SAFB: variants seen among roughly 807,000 people sequenced by gnomAD.
SAFB encodes the protein scaffold attachment factor B1.
In SAFB, 15 loss-of-function variants were observed where a neutral mutation model predicts 101.6. The observed-to-expected ratio is 0.15, with a 90% CI of 0.10 to 0.23. SAFB has a LOEUF of 0.23. SAFB is among the 10% of genes least tolerant of loss of function. The probability of loss-of-function intolerance (pLI) is 1.00; values close to 1 mark genes in which losing one functional copy is unlikely to be tolerated. For synonymous variants in SAFB, 449 were observed against 407.5 expected (o/e 1.10, Z -1.23); for missense variants, 930 against 1,104.1 (o/e 0.84, Z 2.23).
At chr19:5,651,970 TG>T (rs910516519) in intron 9 of SAFB, among the ~76,000 whole-genome samples, 10 of 151,974 alleles carry the variant, frequency 6.6e-5, no homozygotes, top group Admixed American at 6.6e-4. Context: ...CCGAGGTGGG[TG>T]GATCACGAGG....
chr19:5,664,428 C>G lies in SAFB; in HGVS notation c.2323C>G (p.Arg775Gly). Reference protein sequence around the residue: ...REGSRSMMGEREGQHYPERHG... With the variant: ...REGSRSMMGEGEGQHYPERHG... ...AGGTTCAAGGTCAATGATGGGAGAA[C>G]GAGAAGGACAGGTAAGTCTGAAGCT... Residue 775 changes from arginine to glycine, a missense_variant, in exon 17 of 21, where the codon CGA becomes GGA. Transcript: ENST00000588852. The G allele has an allele frequency of 1.2e-6, 2 of 1,613,068 alleles. No individual in the cohort carries two copies. Among genetic ancestry groups the G allele is most frequent in the Non-Finnish European group, 1.7e-6 (2 of 1,179,074 alleles).
At chr19:5,626,542 A>G in intron 2 of SAFB, 53 bp downstream of exon 2, 1 of 1,037,386 alleles carries the variant, frequency 9.6e-7, no homozygotes, top group Non-Finnish European at 1.5e-6. Context: ...TTCAAAACGA[A>G]TACATTGCTA....
chr19:5,649,731 C>T, intron 7 of SAFB, 195 bp from the exon 8 acceptor site: 1 of 821,158 alleles, frequency 1.2e-6, no homozygotes, highest in Non-Finnish European at 1.9e-6. Context: ...TTACCTTTAG[C>T]CCAGCAGAAT....
At chr19:5,653,973 T>A in intron 11 of SAFB, 88 bp from the exon 12 acceptor site, 1 of 1,267,968 alleles carries the variant, frequency 7.9e-7, no homozygotes, top group Non-Finnish European at 1.1e-6. Flanking sequence ...ACTCCCGGTC[T>A]CATGTGATCC....
intron 2 of SAFB, among the ~76,000 whole-genome samples, chr19:5,630,777 A>G (rs1349791955): frequency 6.6e-6 from 1 of 151,830 alleles, no homozygotes; most frequent in Non-Finnish European, 1.5e-5. Context: ...AACTATATGT[A>G]TAACTCTGTT....
chr19:5,633,271 A>G (rs1247863361), intron 2 of SAFB, among the ~76,000 whole-genome samples: 1 of 152,160 alleles, frequency 6.6e-6, no homozygotes, highest in Non-Finnish European at 1.5e-5. Context: ...GAAAGCCTTT[A>G]TGCTTATTTA....
rs374597867 is a variant in SAFB, at chr19:5,623,273, C to T, written c.68C>T (p.Ser23Leu). 5 of 1,608,294 alleles carry T rather than the reference C, an allele frequency of 3.1e-6. No individual in the cohort carries two copies. Among genetic ancestry groups the T allele is most frequent in the Non-Finnish European group, 3.4e-6 (4 of 1,177,644 alleles). Residue 23 changes from serine (S) to leucine (L), a missense_variant, in exon 1 of 21, where the codon TCG (serine) becomes TTG (leucine). Transcript: ENST00000588852. ...GGCGCGGCGGCTCTGAGCTCCGCCTCGTCAGAGACCGGGACGCGGCGCCTC... is the reference window on the plus strand; with the variant it reads ...GGCGCGGCGGCTCTGAGCTCCGCCTTGTCAGAGACCGGGACGCGGCGCCTC... ...AAGAAALSSA[S>L]SETGTRRLSD...
At chr19:5,648,901 G>A (rs938639857) in intron 6 of SAFB, 88 bp from the exon 7 acceptor site, 1 of 398,632 alleles carries the variant, frequency 2.5e-6, no homozygotes, top group Non-Finnish European at 5.1e-6. Flanking sequence ...TCGTGTTAGT[G>A]TGGCAGCCGT....
rs769610065 is a variant in SAFB, at chr19:5,661,701, C to A, written c.2046C>A (p.Arg682=). 6.2e-7 allele frequency: 1 copy of A among 1,604,426 alleles called. No individual in the cohort carries two copies. The highest frequency in any genetic ancestry group is 8.5e-7 in the Non-Finnish European group (1 of 1,177,092). Residue 682 remains arginine (R), a synonymous_variant, in exon 15 of 21, where the codon CGC becomes CGA. Coordinates refer to ENST00000588852, the MANE Select transcript of SAFB (RefSeq NM_001201338.2). ...TGCACGTGGAGCACGAGCGCAGGCG[C>A]GAGCAGGAGCGCATCCACCGTGAGC... ...ERMHVEHERR[R]EQERIHRERE...
chr19:5,656,822 GT>G (rs2054073317), intron 13 of SAFB, among the ~76,000 whole-genome samples: 1 of 151,884 alleles, frequency 6.6e-6, no homozygotes, highest in Non-Finnish European at 1.5e-5. Context: ...TCAGGCTGGA[GT>G]CGAGTGGCTC....
intron 8 of SAFB, among the ~76,000 whole-genome samples, chr19:5,650,633 G>A (rs555416586): frequency 1.3e-5 from 2 of 152,066 alleles, no homozygotes; most frequent in African/African-American, 4.8e-5. Context: ...GGCTGGTCTC[G>A]AACTCTTGAC....
intron 14 of SAFB, among the ~76,000 whole-genome samples, chr19:5,660,585 A>G (rs114600273): frequency 2.5e-3 from 386 of 151,668 alleles, no homozygotes; most frequent in African/African-American, 9.1e-3. Context: ...GATCGAAAGA[A>G]GAAAATCTGA....
At chr19:5,666,662 T>C in intron 17 of SAFB, 1 of 233,864 alleles carries the variant, frequency 4.3e-6, no homozygotes, top group Non-Finnish European at 8.4e-6. Flanking sequence ...ACCTGACCTT[T>C]CTTTAGTAGA....
At chr19:5,633,715 C>T (rs1344983173) in intron 2 of SAFB, among the ~76,000 whole-genome samples, 1 of 151,528 alleles carries the variant, frequency 6.6e-6, no homozygotes, top group East Asian at 1.9e-4. Context: ...GGAGGTGGAG[C>T]TTGCAGTGAG....
chr19:5,645,281 A>G, intron 4 of SAFB, 56 bp from the exon 5 acceptor site: 1 of 779,092 alleles, frequency 1.3e-6, no homozygotes, highest in Non-Finnish European at 2.3e-6. Flanking sequence ...CAGATGTACC[A>G]TTATGTTACG....
chr19:5,661,769 A>G lies in SAFB; in HGVS notation c.2114A>G (p.Glu705Gly). The change falls in exon 15 of 21, where the codon GAG becomes GGG. Residue 705 changes from glutamate to glycine, a missense_variant. Coordinates refer to ENST00000588852, the MANE Select transcript of SAFB (RefSeq NM_001201338.2). ...RRQQELRYEQ[E>G]RRPAVRRPYD... ...CAGCAGGAACTGCGCTATGAGCAGG[A>G]GCGGCGGCCCGCGGTGCGGCGGCCC... 1 of 1,575,088 alleles carries G rather than the reference A, an allele frequency of 6.3e-7. No individual in the cohort carries two copies.
At chr19:5,659,794 G>A (rs1032367536) in intron 14 of SAFB, among the ~76,000 whole-genome samples, 2 of 152,106 alleles carry the variant, frequency 1.3e-5, no homozygotes, top group Admixed American at 6.6e-5. Context: ...AGCCTGGGGG[G>A]CCCCCACAGG....
In SAFB at chr19:5,660,088, A is replaced by G. The variant is rs117303869; in HGVS notation, c.1863-1430A>G. On this transcript the variant is annotated intron_variant, in intron 14 of 20. Transcript: ENST00000588852. ...CCAGAACACTATGAGGCAAGATTAT[A>G]CATTTCTGCTGGGACAGAAACACAC... Among the ~76,000 whole-genome samples, 1,287 of 152,260 alleles carry G rather than the reference A, an allele frequency of 8.5e-3. 37 individuals are homozygous for G. The highest frequency in any genetic ancestry group is 0.052 in the Admixed American group (798 of 15,290).
At position 5,625,036 on chromosome 19, in the gene SAFB, G is replaced by T. The variant is rs368052518; in HGVS notation, c.190-1369G>T. Among the ~76,000 whole-genome samples, 28 of 152,238 alleles carry T rather than the reference G, an allele frequency of 1.8e-4. 1 individual carries two copies. In the South Asian group the frequency reaches 5.0e-3, roughly 27 times the overall value. ...TGGTGACTGAGACTTCCCATCACTC[G>T]CTGTCATCTCTGAGAGCACAGATTT... On this transcript the variant is annotated intron_variant, in intron 1 of 20. Transcript: ENST00000588852.
Sources: allele counts gnomAD v4.1 joint callset (sites outside exome capture counted in the v4.1 genomes callset), GRCh38; gene constraint gnomAD v4.1.1; transcripts MANE v1.5; gene names NCBI Gene and HGNC (gene_info 2026-07-23, HGNC 2026-07-21).